The following ANKS1B variants were observed in gnomAD, a reference collection of about 807,000 sequenced individuals.
ANKS1B encodes ankyrin repeat and sterile alpha motif domain-containing protein 1B.
ANKS1B carries 36 observed loss-of-function variants against 148.3 expected under a neutral mutation model. The observed-to-expected ratio is 0.24, with a 90% CI of 0.19 to 0.32. The LOEUF (loss-of-function observed/expected upper bound fraction) is 0.32. Ranked by LOEUF, ANKS1B falls within the 10% of genes least tolerant of loss-of-function variation. The probability of loss-of-function intolerance (pLI) is 1.00; values close to 1 mark genes in which losing one functional copy is unlikely to be tolerated. For synonymous variants in ANKS1B, 542 were observed against 560.8 expected (o/e 0.97, Z 0.47); for missense variants, 1,157 against 1,542.6 (o/e 0.75, Z 4.19).
intron 11 of ANKS1B, among the ~76,000 whole-genome samples, chr12:99,421,536 A>T (rs1026061825): frequency 6.6e-6 from 1 of 151,972 alleles, no homozygotes; most frequent in East Asian, 1.9e-4. Flanking sequence ...AGAAGGGGGA[A>T]AAAGAAGAGA....
At chr12:99,896,095 C>T (rs1264146993) in intron 1 of ANKS1B, among the ~76,000 whole-genome samples, 2 of 151,184 alleles carry the variant, frequency 1.3e-5, no homozygotes, top group African/African-American at 4.8e-5. Flanking sequence ...GTGTGTGGTA[C>T]AAGTACCTAA....
At chr12:99,249,168 G>C (rs1185464553) in intron 12 of ANKS1B, among the ~76,000 whole-genome samples, 1 of 152,134 alleles carries the variant, frequency 6.6e-6, no homozygotes, top group Non-Finnish European at 1.5e-5. Flanking sequence ...ATTTCATTTT[G>C]AAAGTTGCTG....
intron 8 of ANKS1B, among the ~76,000 whole-genome samples, chr12:99,674,537 T>C (rs1376738413): frequency 6.6e-6 from 1 of 151,794 alleles, no homozygotes; most frequent in South Asian, 2.1e-4. Flanking sequence ...ATAGAGTAAA[T>C]AGTTCTAGTT....
intron 12 of ANKS1B, among the ~76,000 whole-genome samples, chr12:99,275,611 T>C (rs1263313659): frequency 6.6e-6 from 1 of 152,218 alleles, no homozygotes; most frequent in Non-Finnish European, 1.5e-5. Context: ...ACTTAGGTTG[T>C]TTCCAAATCT....
At chr12:99,383,250 G>GA (rs2093718668) in intron 12 of ANKS1B, among the ~76,000 whole-genome samples, 2 of 151,946 alleles carry the variant, frequency 1.3e-5, no homozygotes, top group South Asian at 4.2e-4. Flanking sequence ...TGAGAATTTT[G>GA]AAAAAAAGGT....
At chr12:99,147,992 G>A (rs1388227156) in intron 15 of ANKS1B, among the ~76,000 whole-genome samples, 1 of 152,044 alleles carries the variant, frequency 6.6e-6, no homozygotes, top group South Asian at 2.1e-4. Context: ...CAGAAAAGTT[G>A]AGAAACAAGC....
intron 12 of ANKS1B, among the ~76,000 whole-genome samples, chr12:99,369,416 T>C (rs1463642897): frequency 1.3e-5 from 2 of 152,214 alleles, no homozygotes; most frequent in Non-Finnish European, 2.9e-5. Context: ...GTTGGTGGAC[T>C]GTTCTAGACT....
chr12:99,216,827 C>T (rs74995301), intron 14 of ANKS1B, among the ~76,000 whole-genome samples: 2,026 of 152,320 alleles, frequency 0.013, 40 homozygotes, highest in African/African-American at 0.046. Context: ...GACTACATCT[C>T]TTAGCTTCCT....
intron 17 of ANKS1B, among the ~76,000 whole-genome samples, chr12:98,877,633 C>T (rs4762518): frequency 0.51 from 77,977 of 151,968 alleles, 21,591 homozygotes; most frequent in East Asian, 0.82. Context: ...GTTTTGGGAA[C>T]GTAGTTTTGA....
chr12:99,075,855 T>C (rs2047691571), intron 16 of ANKS1B, among the ~76,000 whole-genome samples: 1 of 148,450 alleles, frequency 6.7e-6, no homozygotes, highest in Non-Finnish European at 1.5e-5. Flanking sequence ...TTATATTATA[T>C]ATACTATACA....
At chr12:98,954,196 C>T (rs2099858686) in intron 17 of ANKS1B, 1 of 152,240 alleles carries the variant, frequency 6.6e-6, no homozygotes, top group Admixed American at 6.5e-5. Flanking sequence ...CAAACACCAA[C>T]TTATGTACTT....
intron 17 of ANKS1B, among the ~76,000 whole-genome samples, chr12:98,981,311 GT>G (rs200091287): frequency 4.7e-5 from 7 of 150,316 alleles, no homozygotes; most frequent in South Asian, 2.1e-4. Context: ...CTATTGTTCA[GT>G]TTTTTTTTCT....
At chr12:99,092,481 A>C (rs1023703907) in intron 15 of ANKS1B, among the ~76,000 whole-genome samples, 40 of 152,146 alleles carry the variant, frequency 2.6e-4, no homozygotes, top group African/African-American at 9.6e-4. Context: ...AAAAAAAAAA[A>C]AAAAAAAAAC....
At chr12:99,457,237 A>T (rs1279073995) in intron 10 of ANKS1B, among the ~76,000 whole-genome samples, 2 of 152,154 alleles carry the variant, frequency 1.3e-5, no homozygotes, top group East Asian at 3.8e-4. Context: ...CATCACTAAA[A>T]GAATGGCTAA....
intron 11 of ANKS1B, among the ~76,000 whole-genome samples, chr12:99,435,016 C>T (rs1416682790): frequency 6.6e-6 from 1 of 151,940 alleles, no homozygotes; most frequent in African/African-American, 2.4e-5. Flanking sequence ...TGCCAAATAA[C>T]AAAAATTCTC....
chr12:99,779,157 C>G (rs1395250203), intron 6 of ANKS1B, among the ~76,000 whole-genome samples: 2 of 152,176 alleles, frequency 1.3e-5, no homozygotes, highest in Non-Finnish European at 2.9e-5. Context: ...AGTATGCAAG[C>G]TGCAAATAAC....
At chr12:99,207,346 CTT>C (rs1453003389) in intron 14 of ANKS1B, among the ~76,000 whole-genome samples, 1 of 149,076 alleles carries the variant, frequency 6.7e-6, no homozygotes, top group Non-Finnish European at 1.5e-5. Context: ...TTTTCAGTAA[CTT>C]TAACTCTTAA....
Position 99,198,392 on chromosome 12 carries a change from G to A in ANKS1B, c.2420-43997C>T, listed in dbSNP as rs868794185. On this transcript the variant is annotated intron_variant, in intron 14 of 26. Coordinates refer to ENST00000683438, the MANE Select transcript of ANKS1B (RefSeq NM_001352186.2). ...TGAGAAAGAGTTGAAAACTGAAAAA[G>A]GTCCAGCATATTTTAAAAAGAGAAC... 2.0e-5 allele frequency among the ~76,000 whole-genome samples: 3 copies of A among 152,190 alleles called. 1 individual carries two copies. The highest frequency in any genetic ancestry group is 6.8e-3 in the Middle Eastern group (2 of 294).
intron 9 of ANKS1B, among the ~76,000 whole-genome samples, chr12:99,638,137 T>C (rs560772427): frequency 6.6e-6 from 1 of 152,040 alleles, no homozygotes; most frequent in African/African-American, 2.4e-5. Context: ...ATATAGTAAA[T>C]TGGTAACACA....
Sources: allele counts gnomAD v4.1 joint callset (sites outside exome capture counted in the v4.1 genomes callset), GRCh38; gene constraint gnomAD v4.1.1; transcripts MANE v1.5; gene names NCBI Gene and HGNC (gene_info 2026-07-23, HGNC 2026-07-21).